The following MALRD1 variants were observed in gnomAD, a reference collection of about 807,000 sequenced individuals.
MALRD1 encodes the protein MAM and LDL receptor class A domain containing 1, also known as MAM and LDL-receptor class A domain-containing protein 1.
Under a neutral mutation model 242.1 loss-of-function variants are expected in MALRD1, and 247 were observed. The observed-to-expected ratio is 1.02, with a 90% CI of 0.92 to 1.13. The LOEUF is 1.13. MALRD1 is among the 50% of genes most tolerant of loss of function. The probability of loss-of-function intolerance (pLI) is 0.00; values close to 1 mark genes in which losing one functional copy is unlikely to be tolerated. For synonymous variants in MALRD1, 995 were observed against 866.6 expected, an observed-to-expected ratio of 1.15 and a Z score of -2.60; for missense variants, 2,989 against 2,533.1, an observed-to-expected ratio of 1.18 and a Z score of -3.86.
chr10:19,294,643 T>G (rs1226267863), intron 21 of MALRD1, among the ~76,000 whole-genome samples: 2 of 152,178 alleles, frequency 1.3e-5, no homozygotes, highest in Non-Finnish European at 1.5e-5. Flanking sequence ...GACTGTGTGC[T>G]TGGTTGTATG....
At chr10:19,432,485 G>A (rs1290557699) in intron 28 of MALRD1, among the ~76,000 whole-genome samples, 2 of 152,138 alleles carry the variant, frequency 1.3e-5, no homozygotes, top group African/African-American at 4.8e-5. Flanking sequence ...TCCATGAAAT[G>A]CCTTAATTCA....
chr10:19,722,575 G>C (rs1193612582), intron 38 of MALRD1: 2 of 64,692 alleles, frequency 3.1e-5, no homozygotes, highest in African/African-American at 1.2e-4. Flanking sequence ...AGGTGACAGA[G>C]CAAGACCATG....
At chr10:19,645,380 A>G (rs1840605446) in intron 36 of MALRD1, among the ~76,000 whole-genome samples, 1 of 152,210 alleles carries the variant, frequency 6.6e-6, no homozygotes, top group African/African-American at 2.4e-5. Flanking sequence ...ATTACTGGGT[A>G]TATACCCAAA....
intron 30 of MALRD1, among the ~76,000 whole-genome samples, chr10:19,494,352 C>G (rs1328190347): frequency 6.6e-6 from 1 of 152,214 alleles, no homozygotes; most frequent in East Asian, 1.9e-4. Context: ...TGAAAGAACT[C>G]TGGCAACTCA....
chr10:19,631,335 T>C (rs1839892105), intron 36 of MALRD1, among the ~76,000 whole-genome samples: 3 of 152,232 alleles, frequency 2.0e-5, no homozygotes, highest in Non-Finnish European at 1.5e-5. Flanking sequence ...CTTTGTTTTT[T>C]ATGGCTGCAT....
intron 14 of MALRD1, among the ~76,000 whole-genome samples, chr10:19,177,654 G>A (rs908815453): frequency 2.6e-5 from 4 of 151,960 alleles, no homozygotes; most frequent in East Asian, 1.9e-4. Flanking sequence ...TTATTTTTTC[G>A]TTTTTATTTG....
intron 12 of MALRD1, among the ~76,000 whole-genome samples, chr10:19,158,066 A>G (rs1241351100): frequency 3.3e-5 from 5 of 152,218 alleles, no homozygotes; most frequent in African/African-American, 1.2e-4. Context: ...AGATAGGACA[A>G]ACAGAACACG....
chr10:19,223,897 C>T (rs945523370), intron 18 of MALRD1, among the ~76,000 whole-genome samples: 5 of 152,158 alleles, frequency 3.3e-5, no homozygotes, highest in Non-Finnish European at 4.4e-5. Flanking sequence ...TTTATAGCTG[C>T]ATAGTATTCC....
At chr10:19,515,948 C>T (rs1233935928) in intron 31 of MALRD1, among the ~76,000 whole-genome samples, 2 of 152,176 alleles carry the variant, frequency 1.3e-5, no homozygotes, top group South Asian at 4.1e-4. Context: ...AGATTACTTA[C>T]ACCTATTTAA....
chr10:19,622,050 A>C (rs1384415199), intron 36 of MALRD1, among the ~76,000 whole-genome samples: 1 of 151,824 alleles, frequency 6.6e-6, no homozygotes, highest in East Asian at 1.9e-4. Flanking sequence ...CTATTCCTAA[A>C]TTTAGCACCT....
At chr10:19,358,195 A>T (rs7919125) in intron 26 of MALRD1, among the ~76,000 whole-genome samples, 65,561 of 145,718 alleles carry the variant, frequency 0.45, 14,848 homozygotes, top group Middle Eastern at 0.48. Context: ...GCAGGAGTCA[A>T]GTGTGTGTGT....
intron 29 of MALRD1, among the ~76,000 whole-genome samples, chr10:19,486,472 G>A (rs1483622586): frequency 2.6e-5 from 4 of 152,072 alleles, no homozygotes; most frequent in African/African-American, 9.7e-5. Context: ...ATTTCACTAG[G>A]TCTTCCATAC....
intron 31 of MALRD1, among the ~76,000 whole-genome samples, chr10:19,508,512 C>A (rs1833246755): frequency 6.6e-6 from 1 of 152,214 alleles, no homozygotes; most frequent in South Asian, 2.1e-4. Flanking sequence ...TGAACCTATA[C>A]TGTCCAATGT....
chr10:19,121,502 T>G (rs1037545951), intron 5 of MALRD1, among the ~76,000 whole-genome samples: 3 of 152,042 alleles, frequency 2.0e-5, no homozygotes, highest in Admixed American at 2.0e-4. Flanking sequence ...CTTTGAGAAG[T>G]TAGTTGGAGA....
intron 21 of MALRD1, 45 bp from the exon 22 acceptor site, chr10:19,323,904 C>T: frequency 6.5e-7 from 1 of 1,534,638 alleles, no homozygotes. Context: ...AGCCACCGTG[C>T]CCGGCCTCTT....
intron 29 of MALRD1, among the ~76,000 whole-genome samples, chr10:19,480,078 C>T (rs926049352): frequency 1.3e-5 from 2 of 152,182 alleles, no homozygotes; most frequent in African/African-American, 2.4e-5. Flanking sequence ...TCCTTCTCCA[C>T]CATGTGGCTG....
At chr10:19,688,475 G>A (rs1411399169) in intron 36 of MALRD1, among the ~76,000 whole-genome samples, 1 of 151,966 alleles carries the variant, frequency 6.6e-6, no homozygotes, top group African/African-American at 2.4e-5. Context: ...TGCCCAGACT[G>A]ATCTCAAACT....
At chr10:19,688,319 G>A (rs1842681680) in intron 36 of MALRD1, among the ~76,000 whole-genome samples, 1 of 151,830 alleles carries the variant, frequency 6.6e-6, no homozygotes, top group African/African-American at 2.4e-5. Flanking sequence ...ACCCATGTTG[G>A]AATGCAGTGC....
intron 33 of MALRD1, among the ~76,000 whole-genome samples, chr10:19,574,434 C>T (rs1836705246): frequency 1.3e-5 from 2 of 152,182 alleles, no homozygotes; most frequent in South Asian, 4.1e-4. Context: ...TCTTCATACT[C>T]ACCAGTGACC....
Sources: gnomAD v4.1 joint callset for allele counts (sites outside exome capture counted in the v4.1 genomes callset) on GRCh38, gnomAD v4.1.1 for gene constraint, MANE v1.5 for transcripts, NCBI Gene and HGNC (gene_info 2026-07-23, HGNC 2026-07-21) for gene names.